The following KCNH1 variants were observed in gnomAD, a reference collection of about 807,000 sequenced individuals.
The protein encoded by KCNH1 is voltage-gated delayed rectifier potassium channel KCNH1.
Under a neutral mutation model 69.2 loss-of-function variants are expected in KCNH1, and 27 were observed. That is an observed-to-expected ratio of 0.39 (90% confidence interval 0.29 to 0.54). KCNH1 has a LOEUF of 0.54. KCNH1 is among the 20% of genes least tolerant of loss of function. The pLI, the probability that KCNH1 is intolerant of heterozygous loss-of-function variation, is 0.68. For missense variants in KCNH1, 798 were observed against 1,261.6 expected, an observed-to-expected ratio of 0.63 and a Z score of 5.57; for synonymous variants, 456 against 487.7, an observed-to-expected ratio of 0.93 and a Z score of 0.86.
chr1:210,888,725 T>C (rs1686676808), intron 7 of KCNH1, among the ~76,000 whole-genome samples: 1 of 151,928 alleles, frequency 6.6e-6, no homozygotes, highest in African/African-American at 2.4e-5. Context: ...AAAGGGGATA[T>C]CACCACTGAT....
At chr1:210,938,398 A>C (rs77778144) in intron 6 of KCNH1, among the ~76,000 whole-genome samples, 32 of 152,370 alleles carry the variant, frequency 2.1e-4, no homozygotes, top group African/African-American at 7.5e-4. Flanking sequence ...GCTCTTTTGA[A>C]TATTGTGCCA....
chr1:211,054,341 T>G (rs932134723), intron 5 of KCNH1, among the ~76,000 whole-genome samples: 4 of 151,952 alleles, frequency 2.6e-5, no homozygotes, highest in African/African-American at 7.2e-5. Context: ...GATTCTAAAA[T>G]ATTCAGTTAA....
intron 10 of KCNH1, among the ~76,000 whole-genome samples, chr1:210,756,679 T>G (rs1683406945): frequency 6.6e-6 from 1 of 152,124 alleles, no homozygotes; most frequent in Admixed American, 6.5e-5. Flanking sequence ...TACTGGGAAT[T>G]AGGATGGAAG....
intron 7 of KCNH1, among the ~76,000 whole-genome samples, chr1:210,855,946 G>T (rs1316610047): frequency 6.6e-6 from 1 of 152,060 alleles, no homozygotes; most frequent in Non-Finnish European, 1.5e-5. Flanking sequence ...ATCTTAATAT[G>T]CCACCTGGCT....
At chr1:211,014,904 AGCCACTAAGCCATCAATCAGAATTCTCC>A (rs1371358324) in intron 6 of KCNH1, among the ~76,000 whole-genome samples, 3 of 152,220 alleles carry the variant, frequency 2.0e-5, no homozygotes, top group African/African-American at 4.8e-5. Context: ...GTGAATAGGA[AGCCACTAAGCCATCAATCAGAATTCTCC>A]AACCCAGGGG....
intron 10 of KCNH1, among the ~76,000 whole-genome samples, chr1:210,702,871 C>T (rs1424444829): frequency 2.0e-5 from 3 of 152,174 alleles, no homozygotes; most frequent in African/African-American, 4.8e-5. Context: ...ACCTTTCCTC[C>T]GTCTGCCTTC....
intron 5 of KCNH1, among the ~76,000 whole-genome samples, chr1:211,030,041 C>T (rs914063930): frequency 2.6e-5 from 4 of 152,098 alleles, no homozygotes; most frequent in African/African-American, 9.7e-5. Context: ...TACCATGTTC[C>T]TAAATTAGAA....
chr1:210,869,852 CAG>C (rs938497104), intron 7 of KCNH1, among the ~76,000 whole-genome samples: 8 of 152,216 alleles, frequency 5.3e-5, no homozygotes, highest in African/African-American at 1.7e-4. Context: ...ATTCAACTTA[CAG>C]ATACCTGGTA....
At chr1:210,859,534 A>G (rs1574301033) in intron 7 of KCNH1, 2 of 1,595,986 alleles carry the variant, frequency 1.3e-6, no homozygotes, top group East Asian at 4.5e-5. Flanking sequence ...CTGCTTAGCC[A>G]GAATCTCCAA....
intron 7 of KCNH1, among the ~76,000 whole-genome samples, chr1:210,910,128 G>C (rs1687198695): frequency 6.8e-6 from 1 of 146,438 alleles, no homozygotes; most frequent in African/African-American, 2.6e-5. Context: ...GCAAAATGTT[G>C]CAATCCCTGT....
At chr1:211,001,571 G>C (rs1343495009) in intron 6 of KCNH1, among the ~76,000 whole-genome samples, 2 of 152,158 alleles carry the variant, frequency 1.3e-5, no homozygotes, top group Non-Finnish European at 2.9e-5. Flanking sequence ...TGGTGGGACT[G>C]TAAACTAGTT....
intron 10 of KCNH1, among the ~76,000 whole-genome samples, chr1:210,769,237 T>G (rs1683703877): frequency 6.6e-6 from 1 of 152,208 alleles, no homozygotes; most frequent in African/African-American, 2.4e-5. Flanking sequence ...TCCACAATAA[T>G]TTATTCAGGG....
At chr1:210,806,157 A>T (rs1684546535) in intron 7 of KCNH1, among the ~76,000 whole-genome samples, 1 of 152,202 alleles carries the variant, frequency 6.6e-6, no homozygotes, top group African/African-American at 2.4e-5. Context: ...TTCCAAAGTA[A>T]CTGCACCACT....
intron 6 of KCNH1, among the ~76,000 whole-genome samples, chr1:210,956,876 T>C (rs553414608): frequency 6.1e-4 from 93 of 152,288 alleles, no homozygotes; most frequent in Middle Eastern, 6.8e-3. Context: ...CCTGGATTCA[T>C]TGATTTTTTT....
chr1:210,814,654 G>T (rs1165831162), intron 7 of KCNH1, among the ~76,000 whole-genome samples: 1 of 152,176 alleles, frequency 6.6e-6, no homozygotes, highest in Non-Finnish European at 1.5e-5. Flanking sequence ...AAAGGGGAAA[G>T]ATAATCCTCA....
At position 210,707,053 on chromosome 1, in the gene KCNH1, A is replaced by ATG. The variant is rs138929783; in HGVS notation, c.2113-22917_2113-22916dup. Reference sequence around the variant, plus strand: ...AAGCAGATATTTGTATGTGAGGGGTATGTGTGTGTGTGTGCGCGCGCACGT... The same window carrying ATG: ...AAGCAGATATTTGTATGTGAGGGGTATGTGTGTGTGTGTGTGCGCGCGCACGT... On this transcript the variant is annotated intron_variant, in intron 10 of 10. Transcript: ENST00000271751. Among the ~76,000 whole-genome samples, 753 of 151,850 alleles carry ATG rather than the reference A, an allele frequency of 5.0e-3. 2 individuals carry two copies. The highest frequency in any genetic ancestry group is 7.5e-3 in the Non-Finnish European group (509 of 67,886).
intron 6 of KCNH1, among the ~76,000 whole-genome samples, chr1:210,949,386 GCCT>G (rs1300617415): frequency 6.6e-6 from 1 of 152,120 alleles, no homozygotes; most frequent in Non-Finnish European, 1.5e-5. Flanking sequence ...CTTACCACTT[GCCT>G]CAAGAACAAA....
intron 5 of KCNH1, among the ~76,000 whole-genome samples, chr1:211,023,135 TAAA>T (rs1242420006): frequency 2.2e-4 from 32 of 143,254 alleles, no homozygotes; most frequent in African/African-American, 7.7e-4. Context: ...AATAAATAAA[TAAA>T]TAAATAAATA....
chr1:210,906,243 C>T (rs992035491), intron 7 of KCNH1, among the ~76,000 whole-genome samples: 8 of 152,212 alleles, frequency 5.3e-5, no homozygotes, highest in African/African-American at 1.9e-4. Flanking sequence ...CTCTAGGGCC[C>T]AGATGACTGT....
Sources: gnomAD v4.1 joint callset for allele counts (sites outside exome capture counted in the v4.1 genomes callset) on GRCh38, gnomAD v4.1.1 for gene constraint, MANE v1.5 for transcripts, NCBI Gene and HGNC (gene_info 2026-07-23, HGNC 2026-07-21) for gene names.